RAP1A: variants seen among roughly 807,000 people sequenced by gnomAD.
RAP1A encodes RAP1A, member of RAS oncogene family.
In RAP1A, 6 loss-of-function variants were observed where a neutral mutation model predicts 26.4. The ratio of observed to expected loss-of-function variants is 0.23; its 90% CI spans 0.12 to 0.45. The LOEUF is 0.45. Ranked by LOEUF, RAP1A falls within the 20% of genes least tolerant of loss-of-function variation. RAP1A has a pLI of 0.99. For synonymous variants in RAP1A, 73 were observed against 79.4 expected (o/e 0.92, Z 0.43); for missense variants, 121 against 217.2 (o/e 0.56, Z 2.78).
intron 1 of RAP1A, among the ~76,000 whole-genome samples, chr1:111,646,743 G>A (rs1660083113): frequency 6.6e-6 from 1 of 152,272 alleles, no homozygotes; most frequent in African/African-American, 2.4e-5. Context: ...GTTTCACTGT[G>A]TTAGCCAGGA....
At chr1:111,632,186 A>T (rs1659586903) in intron 1 of RAP1A, among the ~76,000 whole-genome samples, 2 of 149,498 alleles carry the variant, frequency 1.3e-5, no homozygotes, top group Admixed American at 1.3e-4. Context: ...ATGAACTCAT[A>T]ATTCTGGGTC....
At chr1:111,629,794 G>T (rs895976170) in intron 1 of RAP1A, among the ~76,000 whole-genome samples, 1 of 152,126 alleles carries the variant, frequency 6.6e-6, no homozygotes, top group Non-Finnish European at 1.5e-5. Flanking sequence ...CTGGTCAACT[G>T]AATGAAATTT....
At chr1:111,567,861 C>T (rs1401264520) in intron 1 of RAP1A, among the ~76,000 whole-genome samples, 2 of 152,218 alleles carry the variant, frequency 1.3e-5, no homozygotes, top group African/African-American at 4.8e-5. Flanking sequence ...TGATCTTGGT[C>T]ATCCAGCCTC....
intron 1 of RAP1A, among the ~76,000 whole-genome samples, chr1:111,542,809 G>T (rs539366238): frequency 6.6e-6 from 1 of 152,078 alleles, no homozygotes; most frequent in African/African-American, 2.4e-5. Context: ...TGATTCTCCT[G>T]CCTCAACCTC....
At chr1:111,673,644 T>A (rs1661041022) in intron 1 of RAP1A, among the ~76,000 whole-genome samples, 1 of 152,216 alleles carries the variant, frequency 6.6e-6, no homozygotes. Flanking sequence ...TCAGGGAATC[T>A]TAACCAGAGT....
At chr1:111,703,038 G>T (rs1384479809) in intron 4 of RAP1A, among the ~76,000 whole-genome samples, 1 of 152,194 alleles carries the variant, frequency 6.6e-6, no homozygotes, top group African/African-American at 2.4e-5. Flanking sequence ...GGCAGTAGTT[G>T]TGTCATAAAT....
At chr1:111,608,475 C>G (rs1167899211) in intron 1 of RAP1A, 1 of 147,508 alleles carries the variant, frequency 6.8e-6, no homozygotes, top group South Asian at 1.1e-4. Context: ...CAGGCAGAGA[C>G]GCTCCTCACT....
At chr1:111,701,376 G>A (rs1662017046) in intron 4 of RAP1A, among the ~76,000 whole-genome samples, 1 of 152,106 alleles carries the variant, frequency 6.6e-6, no homozygotes, top group Admixed American at 6.6e-5. Context: ...TGTTACCCGT[G>A]AGGCCTTCCC....
chr1:111,635,726 C>G (rs928271899), intron 1 of RAP1A, among the ~76,000 whole-genome samples: 1 of 152,008 alleles, frequency 6.6e-6, no homozygotes, highest in East Asian at 1.9e-4. Flanking sequence ...CCACCACACC[C>G]AGTTAATCTT....
At chr1:111,686,447 GA>G (rs1168840279) in intron 1 of RAP1A, 1 of 151,644 alleles carries the variant, frequency 6.6e-6, no homozygotes, top group Non-Finnish European at 1.5e-5. Flanking sequence ...CCAAAAGTGA[GA>G]ATCACTTGTG....
chr1:111,561,706 G>A lies in RAP1A; in HGVS notation c.-28+19197G>A, dbSNP rs536760832. On this transcript the variant is annotated intron_variant, in intron 1 of 7. Coordinates refer to the RAP1A transcript ENST00000356415. ...ATTTTTCCTTCTCATTTATGGAAGT[G>A]TCTCTTAATGGAGTCTTTCTCTCAT... Among the ~76,000 whole-genome samples the A allele has an allele frequency of 2.6e-5, 4 of 152,258 alleles. No individual in the cohort carries two copies. The South Asian group carries it at 8.3e-4, about 32-fold the overall frequency.
At chr1:111,686,415 T>G (rs1661480105) in intron 1 of RAP1A, 1 of 152,004 alleles carries the variant, frequency 6.6e-6, no homozygotes, top group Non-Finnish European at 1.5e-5. Context: ...TTGCGCAGGC[T>G]AGTCTCAAAT....
chr1:111,598,898 A>G (rs1321612754), intron 1 of RAP1A, among the ~76,000 whole-genome samples: 1 of 152,094 alleles, frequency 6.6e-6, no homozygotes, highest in African/African-American at 2.4e-5. Flanking sequence ...CGACCAACTG[A>G]CTTCAAGTTG....
At position 111,713,950 on chromosome 1, in the gene RAP1A, C is replaced by T. The variant is rs1662460179; in HGVS notation, c.*1549C>T. ...CAGTCCTAGAAAGTCTAAGTCATTG[C>T]TCAGGGATCTCTAGATACTGTCTCT... On this transcript the variant is annotated 3_prime_UTR_variant, in exon 8 of 8. Coordinates refer to ENST00000369709, the MANE Select transcript of RAP1A (RefSeq NM_002884.4). The T allele has an allele frequency of 6.6e-6, 1 of 152,176 alleles. No homozygotes were observed. The highest frequency in any genetic ancestry group is 6.5e-5 in the Admixed American group (1 of 15,278). The allele number at this position is 152,176 out of a possible 1,614,324, so 9.4% of individuals were successfully genotyped here. A position where few individuals can be genotyped will look rare whatever the true frequency, so the allele number is the denominator to read the frequency against.
At chr1:111,573,859 C>T (rs1411253206) in intron 1 of RAP1A, among the ~76,000 whole-genome samples, 2 of 151,868 alleles carry the variant, frequency 1.3e-5, no homozygotes, top group Non-Finnish European at 2.9e-5. Flanking sequence ...GAAATAAGAC[C>T]TTTGTCAGAT....
At chr1:111,697,308 C>A in intron 3 of RAP1A, 133 bp from the exon 4 acceptor site, 1 of 1,515,054 alleles carries the variant, frequency 6.6e-7, no homozygotes, top group Non-Finnish European at 8.8e-7. Context: ...AAGTTTACCC[C>A]CAGCCATTAC....
At chr1:111,637,601 G>T (rs1659764006) in intron 1 of RAP1A, among the ~76,000 whole-genome samples, 1 of 152,110 alleles carries the variant, frequency 6.6e-6, no homozygotes, top group Non-Finnish European at 1.5e-5. Flanking sequence ...TAACATTTTG[G>T]TGTACATCTT....
intron 1 of RAP1A, among the ~76,000 whole-genome samples, chr1:111,626,589 G>A (rs906259604): frequency 2.6e-5 from 4 of 152,118 alleles, no homozygotes; most frequent in African/African-American, 4.8e-5. Context: ...AATAGCATGC[G>A]TAAATGTGCA....
At chr1:111,597,043 A>ATAAATG (rs1658576441) in intron 1 of RAP1A, among the ~76,000 whole-genome samples, 1 of 152,206 alleles carries the variant, frequency 6.6e-6, no homozygotes, top group Admixed American at 6.5e-5. Flanking sequence ...ATGCCTGCAT[A>ATAAATG]TAAATGTATT....
Sources: allele counts gnomAD v4.1 joint callset (sites outside exome capture counted in the v4.1 genomes callset), GRCh38; gene constraint gnomAD v4.1.1; transcripts MANE v1.5; gene names NCBI Gene and HGNC (gene_info 2026-07-23, HGNC 2026-07-21).